Variants in PPP4R2 observed in about 807,000 individuals in gnomAD.
PPP4R2 encodes protein phosphatase 4 regulatory subunit 2.
A neutral mutation model predicts 47.2 loss-of-function variants in PPP4R2; 13 were observed. That is an observed-to-expected ratio of 0.28 (90% CI 0.18 to 0.44). The LOEUF (loss-of-function observed/expected upper bound fraction) is 0.44. Among genes scored for constraint, PPP4R2 ranks in the 20% least tolerant of loss-of-function variants. The pLI, the probability that PPP4R2 is intolerant of heterozygous loss-of-function variation, is 1.00. For synonymous variants in PPP4R2, 151 were observed against 163.3 expected (o/e 0.92, Z 0.57); for missense variants, 421 against 491.2 (o/e 0.86, Z 1.35).
chr3:73,046,845 A>C (rs915794020), intron 2 of PPP4R2, among the ~76,000 whole-genome samples: 2 of 152,236 alleles, frequency 1.3e-5, no homozygotes. Flanking sequence ...ACTAATGCCC[A>C]CCTGGTTAGG....
chr3:73,004,386 T>G (rs935219641), intron 2 of PPP4R2, among the ~76,000 whole-genome samples: 1 of 152,154 alleles, frequency 6.6e-6, no homozygotes, highest in East Asian at 1.9e-4. Flanking sequence ...AGTAAAATCT[T>G]TGGTTCACAT....
At position 73,067,944 on chromosome 3, in the gene PPP4R2, CAT is replaced by C. The variant is rs763174341; in HGVS notation, c.*2225_*2226del. On this transcript the variant is annotated 3_prime_UTR_variant, in exon 9 of 9. Coordinates refer to ENST00000356692, the MANE Select transcript of PPP4R2 (RefSeq NM_174907.4). ...ATAGTTTTAATATTTATTAGATATT[CAT>C]ATGTTGATCATAGATCAAACTTGTT... The C allele has an allele frequency of 4.6e-5, 7 of 152,230 alleles. No homozygotes were observed. The highest frequency in any genetic ancestry group is 6.5e-5 in the Admixed American group (1 of 15,292). 9.4% of individuals were successfully genotyped at this position (152,230 alleles called of 1,614,324 possible).
At position 73,068,392 on chromosome 3, in the gene PPP4R2, T is replaced by C. The variant is rs1404145807; in HGVS notation, c.*2670T>C. ...GAGATATATATATATATATGTATTATGTTTCTAGCACTTTTCCCTTTTAAA... is the reference window on the plus strand; with the variant it reads ...GAGATATATATATATATATGTATTACGTTTCTAGCACTTTTCCCTTTTAAA... On this transcript the variant is annotated 3_prime_UTR_variant, in exon 9 of 9. Transcript: ENST00000356692. 4 of 152,214 alleles carry C rather than the reference T, an allele frequency of 2.6e-5. No individual in the cohort carries two copies. The highest frequency in any genetic ancestry group is 5.9e-5 in the Non-Finnish European group (4 of 68,042). 9.4% of individuals were successfully genotyped at this position (152,214 alleles called of 1,614,324 possible). A position where few individuals can be genotyped will look rare whatever the true frequency, so the allele number is the denominator to read the frequency against.
intron 2 of PPP4R2, among the ~76,000 whole-genome samples, chr3:73,038,881 T>G (rs1316809245): frequency 6.6e-6 from 1 of 152,222 alleles, no homozygotes; most frequent in African/African-American, 2.4e-5. Context: ...TCTGAAGCTT[T>G]CTTTTTCATC....
At chr3:73,062,435 T>A (rs747856491) in intron 5 of PPP4R2, 10 of 1,611,838 alleles carry the variant, frequency 6.2e-6, no homozygotes, top group Non-Finnish European at 8.5e-6. Flanking sequence ...ATAAATCTCA[T>A]TTCCACCCTG....
chr3:73,011,251 G>A (rs1440962957), intron 2 of PPP4R2, among the ~76,000 whole-genome samples: 4 of 152,234 alleles, frequency 2.6e-5, no homozygotes, highest in Non-Finnish European at 5.9e-5. Context: ...AGGCCGAGGC[G>A]GGTGGATCAT....
intron 2 of PPP4R2, among the ~76,000 whole-genome samples, chr3:73,028,865 G>A (rs2107271144): frequency 6.6e-6 from 1 of 152,300 alleles, no homozygotes; most frequent in East Asian, 1.9e-4. Flanking sequence ...AGGAGGTAAA[G>A]GGAATGGGGG....
At chr3:73,021,190 G>GA (rs1282888175) in intron 2 of PPP4R2, among the ~76,000 whole-genome samples, 1 of 151,800 alleles carries the variant, frequency 6.6e-6, no homozygotes, top group Non-Finnish European at 1.5e-5. Flanking sequence ...AAAAGAGTAG[G>GA]AAGGAGAAGG....
intron 5 of PPP4R2, chr3:73,061,759 G>A (rs976948977): frequency 1.5e-5 from 4 of 265,130 alleles, no homozygotes; most frequent in Admixed American, 5.2e-5. Context: ...GCTGGAGTGC[G>A]GTGATGAGTG....
intron 2 of PPP4R2, among the ~76,000 whole-genome samples, chr3:73,007,523 G>A (rs926703152): frequency 1.3e-5 from 2 of 151,676 alleles, no homozygotes; most frequent in African/African-American, 4.8e-5. Flanking sequence ...TGTCACCCAG[G>A]CTGGAGTACA....
At position 73,030,922 on chromosome 3, in the gene PPP4R2, G is replaced by A. The variant is rs192823941; in HGVS notation, c.117-16264G>A. Among the ~76,000 whole-genome samples, 340 of 151,948 alleles carry A rather than the reference G, an allele frequency of 2.2e-3. 5 individuals are homozygous for A. The East Asian group carries it at 0.041, about 18-fold the overall frequency. Reference sequence around the variant, plus strand: ...TCACCATGTTGAGCAGGCTGGTCTCGAACTCCTGAGCTCAGGTGATCTGCC... The same window carrying A: ...TCACCATGTTGAGCAGGCTGGTCTCAAACTCCTGAGCTCAGGTGATCTGCC... On this transcript the variant is annotated intron_variant, in intron 2 of 8. Coordinates refer to ENST00000356692, the MANE Select transcript of PPP4R2 (RefSeq NM_174907.4).
In PPP4R2 at chr3:72,997,024, G is replaced by C. The variant is rs761947015; in HGVS notation, c.-14G>C. The stretch of plus-strand genomic sequence containing the variant: ...GCGGAGGGAGGCGGAGGCTGTGAGG[G>C]ACTCCGGGAAGCCATGGACGTCGAG... On this transcript the variant is annotated 5_prime_UTR_variant, in exon 1 of 9. Transcript: ENST00000356692. The C allele has an allele frequency of 2.2e-6, 3 of 1,394,300 alleles. No individual in the cohort carries two copies. Among genetic ancestry groups the C allele is most frequent in the Admixed American group, 2.6e-5 (1 of 38,094 alleles). The allele number at this position is 1,394,300 out of a possible 1,614,324, so 86.4% of individuals were successfully genotyped here.
intron 2 of PPP4R2, among the ~76,000 whole-genome samples, chr3:73,003,732 T>C (rs906283794): frequency 6.6e-6 from 1 of 151,966 alleles, no homozygotes; most frequent in Admixed American, 6.6e-5. Context: ...AGAGTCTTGC[T>C]CTGTTGCCCA....
At chr3:73,060,760 G>A (rs537317179) in intron 4 of PPP4R2, among the ~76,000 whole-genome samples, 2 of 151,990 alleles carry the variant, frequency 1.3e-5, no homozygotes, top group Non-Finnish European at 1.5e-5. Context: ...TGATGTTACG[G>A]GTCTAGAATA....
intron 2 of PPP4R2, among the ~76,000 whole-genome samples, chr3:73,022,082 AG>A (rs1299780401): frequency 6.6e-6 from 1 of 151,684 alleles, no homozygotes; most frequent in African/African-American, 2.4e-5. Context: ...TTTTTGGTGG[AG>A]ATGGAGTTTC....
At chr3:73,039,504 T>C (rs765896505) in intron 2 of PPP4R2, among the ~76,000 whole-genome samples, 19 of 152,226 alleles carry the variant, frequency 1.2e-4, no homozygotes, top group Non-Finnish European at 1.9e-4. Context: ...TCACATAATT[T>C]ACCTTTTCCA....
At chr3:73,062,797 C>G (rs1366499358) in intron 5 of PPP4R2, 3 of 1,613,936 alleles carry the variant, frequency 1.9e-6, no homozygotes, top group Non-Finnish European at 1.7e-6. Context: ...GCAGAATCAG[C>G]CATAGGTTGG....
At chr3:73,051,468 C>T (rs1702610798) in intron 3 of PPP4R2, among the ~76,000 whole-genome samples, 1 of 152,058 alleles carries the variant, frequency 6.6e-6, no homozygotes, top group Non-Finnish European at 1.5e-5. Flanking sequence ...TTTATATCTT[C>T]TTTTGACTTT....
At chr3:73,045,746 C>CG (rs1702471285) in intron 2 of PPP4R2, among the ~76,000 whole-genome samples, 1 of 151,990 alleles carries the variant, frequency 6.6e-6, no homozygotes, top group African/African-American at 2.4e-5. Flanking sequence ...AGGCTGATCT[C>CG]GAACTCCTGA....
Sources: allele counts gnomAD v4.1 joint callset (sites outside exome capture counted in the v4.1 genomes callset), GRCh38; gene constraint gnomAD v4.1.1; transcripts MANE v1.5; gene names NCBI Gene and HGNC (gene_info 2026-07-23, HGNC 2026-07-21).